ASAP1: variants seen among roughly 807,000 people sequenced by gnomAD.
ASAP1 encodes the protein arf-GAP with SH3 domain, ANK repeat and PH domain-containing protein 1.
In ASAP1, 43 loss-of-function variants were observed where a neutral mutation model predicts 145.2. That is an observed-to-expected ratio of 0.30 (90% CI 0.23 to 0.38). ASAP1 has a LOEUF of 0.38. ASAP1 is among the 10% of genes least tolerant of loss of function. The pLI is 1.00. For synonymous variants in ASAP1, 546 were observed against 515.5 expected (o/e 1.06, Z -0.80); for missense variants, 1,018 against 1,355.3 (o/e 0.75, Z 3.91).
At chr8:130,311,015 T>C (rs1237093919) in intron 3 of ASAP1, among the ~76,000 whole-genome samples, 3 of 152,216 alleles carry the variant, frequency 2.0e-5, no homozygotes, top group African/African-American at 7.2e-5. Flanking sequence ...AAGGAGGCTT[T>C]ATTTGTTAGG....
chr8:130,276,722 A>ACTCTCTCTCTCT (rs1820912328), intron 3 of ASAP1, among the ~76,000 whole-genome samples: 8 of 110,620 alleles, frequency 7.2e-5, no homozygotes, highest in African/African-American at 2.5e-4. Flanking sequence ...ACACACACAC[A>ACTCTCTCTCTCT]CACACACTCT....
intron 4 of ASAP1, among the ~76,000 whole-genome samples, chr8:130,215,219 G>T (rs750129858): frequency 2.0e-5 from 3 of 151,966 alleles, no homozygotes; most frequent in Non-Finnish European, 1.5e-5. Flanking sequence ...TTCTTTCATA[G>T]AATTTAGCTC....
chr8:130,215,791 G>A (rs1816867096), intron 4 of ASAP1, among the ~76,000 whole-genome samples: 1 of 151,864 alleles, frequency 6.6e-6, no homozygotes. Flanking sequence ...TGGGTATTGT[G>A]GCATGCACCT....
At chr8:130,409,106 A>G (rs1829156180) in intron 1 of ASAP1, among the ~76,000 whole-genome samples, 2 of 152,100 alleles carry the variant, frequency 1.3e-5, no homozygotes, top group Admixed American at 1.3e-4. Flanking sequence ...TACTAAAAAT[A>G]CAAAAATTAG....
intron 24 of ASAP1, among the ~76,000 whole-genome samples, chr8:130,099,903 C>T (rs1489423403): frequency 6.6e-6 from 1 of 152,106 alleles, no homozygotes; most frequent in Non-Finnish European, 1.5e-5. Flanking sequence ...TTTTCTTCAT[C>T]CATTCACCTG....
intron 3 of ASAP1, among the ~76,000 whole-genome samples, chr8:130,277,556 C>A (rs902149517): frequency 2.6e-5 from 4 of 152,000 alleles, no homozygotes; most frequent in African/African-American, 9.7e-5. Context: ...AAGACAAGCA[C>A]AAAGTGACAC....
intron 25 of ASAP1, among the ~76,000 whole-genome samples, chr8:130,090,703 T>C (rs1435439437): frequency 2.6e-5 from 4 of 152,144 alleles, no homozygotes. Flanking sequence ...TCCACGAGCA[T>C]ATGGACTGAG....
At position 130,275,319 on chromosome 8, in the gene ASAP1, A is replaced by C. The variant is rs150683325; in HGVS notation, c.187-38325T>G. ...CTGTAATTGGGCTTTCCACAGGTCA[A>C]AGAGAGCTAAAGAAAGCCACTAATT... On this transcript the variant is annotated intron_variant, in intron 3 of 29. Coordinates refer to ENST00000518721, the MANE Select transcript of ASAP1 (RefSeq NM_018482.4). 2.5e-3 allele frequency among the ~76,000 whole-genome samples: 378 copies of C among 152,372 alleles called. 1 individual carries two copies. The highest frequency in any genetic ancestry group is 8.7e-3 in the African/African-American group (363 of 41,592).
chr8:130,181,785 T>C lies in ASAP1; in HGVS notation c.531-905A>G, dbSNP rs951663588. On this transcript the variant is annotated intron_variant, in intron 7 of 29. Coordinates refer to ENST00000518721, the MANE Select transcript of ASAP1 (RefSeq NM_018482.4). ...ACTCTGGTAATAATACCAAAGATTATAGCCTGCTTTCCAAAAATCATTAAC... is the reference window on the plus strand; with the variant it reads ...ACTCTGGTAATAATACCAAAGATTACAGCCTGCTTTCCAAAAATCATTAAC... Among the ~76,000 whole-genome samples, 12 of 152,366 alleles carry C rather than the reference T, an allele frequency of 7.9e-5. 1 individual carries two copies. Among genetic ancestry groups the C allele is most frequent in the Admixed American group, 4.6e-4 (7 of 15,306 alleles).
intron 2 of ASAP1, among the ~76,000 whole-genome samples, chr8:130,381,600 G>A (rs1407520478): frequency 6.6e-6 from 1 of 152,116 alleles, no homozygotes; most frequent in African/African-American, 2.4e-5. Context: ...GCCTGGCTTG[G>A]AGAATGCGTC....
chr8:130,332,526 A>C (rs929052414), intron 3 of ASAP1, among the ~76,000 whole-genome samples: 3 of 152,244 alleles, frequency 2.0e-5, no homozygotes, highest in African/African-American at 7.2e-5. Context: ...ACTTCCAAAA[A>C]TTTCCTAATC....
At position 130,053,183 on chromosome 8, in the gene ASAP1, G is replaced by A. The variant is rs1196854346; in HGVS notation, c.*1548C>T. 2 of 152,168 alleles carry A rather than the reference G, an allele frequency of 1.3e-5. No individual in the cohort carries two copies. Among genetic ancestry groups the A allele is most frequent in the Admixed American group, 1.3e-4 (2 of 15,274 alleles). The allele number at this position is 152,168 out of a possible 1,614,324, so 9.4% of individuals were successfully genotyped here. ...AGGGCTTTTCCTAAGGGTTGGGTTG[G>A]GAGTTGTGCTTCTGTGAAATTAACA... On this transcript the variant is annotated 3_prime_UTR_variant, in exon 30 of 30. Coordinates refer to ENST00000518721, the MANE Select transcript of ASAP1 (RefSeq NM_018482.4).
intron 5 of ASAP1, among the ~76,000 whole-genome samples, chr8:130,206,184 A>G (rs894229638): frequency 6.6e-6 from 1 of 152,182 alleles, no homozygotes; most frequent in African/African-American, 2.4e-5. Context: ...GCAGTGAGGC[A>G]TGTCAGGAAA....
intron 4 of ASAP1, among the ~76,000 whole-genome samples, chr8:130,224,471 C>T (rs1019948852): frequency 6.6e-6 from 1 of 151,802 alleles, no homozygotes; most frequent in African/African-American, 2.4e-5. Context: ...TTTTTCCAAT[C>T]CCACCTCCTT....
intron 3 of ASAP1, among the ~76,000 whole-genome samples, chr8:130,346,803 C>T (rs1361113088): frequency 6.9e-6 from 1 of 144,816 alleles, no homozygotes; most frequent in African/African-American, 2.6e-5. Flanking sequence ...AGCTGCTGGG[C>T]CAGCAGTGAG....
chr8:130,060,561 G>T lies in ASAP1; in HGVS notation c.3192+18C>A. On this transcript the variant is annotated intron_variant, in intron 28 of 29. Coordinates refer to ENST00000518721, the MANE Select transcript of ASAP1 (RefSeq NM_018482.4). The stretch of plus-strand genomic sequence containing the variant: ...TGCGGAATAGGGTTCCTAAGGGCCT[G>T]AACATTGTCCCACCCACCGTATTGA... The T allele has an allele frequency of 6.3e-7, 1 of 1,591,310 alleles. No homozygotes were observed. The highest frequency in any genetic ancestry group is 1.2e-5 in the South Asian group (1 of 86,760).
intron 3 of ASAP1, among the ~76,000 whole-genome samples, chr8:130,321,680 T>G (rs1197809514): frequency 6.6e-6 from 1 of 152,186 alleles, no homozygotes. Flanking sequence ...AAATATAAAA[T>G]GATTACTAGT....
chr8:130,133,370 C>T (rs528253275), intron 15 of ASAP1, among the ~76,000 whole-genome samples: 5 of 152,156 alleles, frequency 3.3e-5, no homozygotes, highest in Non-Finnish European at 2.9e-5. Flanking sequence ...AAACTCCAAC[C>T]CAGGGGCCGG....
chr8:130,213,003 T>A (rs1420668765), intron 5 of ASAP1, among the ~76,000 whole-genome samples: 2 of 152,222 alleles, frequency 1.3e-5, no homozygotes, highest in Admixed American at 6.5e-5. Flanking sequence ...AAGTGAACTG[T>A]CAGTCTTGTT....
Sources: allele counts gnomAD v4.1 joint callset (sites outside exome capture counted in the v4.1 genomes callset), GRCh38; gene constraint gnomAD v4.1.1; transcripts MANE v1.5; gene names NCBI Gene and HGNC (gene_info 2026-07-23, HGNC 2026-07-21).